Variants in TARS3 observed in about 807,000 individuals in gnomAD.
TARS3 encodes threonyl-tRNA synthetase 3, also known as threonine--tRNA ligase 2, cytoplasmic.
TARS3 carries 94 observed loss-of-function variants against 103.5 expected under a neutral mutation model. That is an observed-to-expected ratio of 0.91 (90% CI 0.77 to 1.08). The LOEUF is 1.08. Among genes scored for constraint, TARS3 ranks in the 50% least tolerant of loss-of-function variants. TARS3 has a pLI of 0.00. For missense variants in TARS3, 952 were observed against 995.2 expected, an observed-to-expected ratio of 0.96 and a Z score of 0.58; for synonymous variants, 416 against 355.4, an observed-to-expected ratio of 1.17 and a Z score of -1.92.
chr15:101,698,625 AT>A (rs998912129), intron 10 of TARS3, among the ~76,000 whole-genome samples: 5 of 152,254 alleles, frequency 3.3e-5, no homozygotes, highest in African/African-American at 1.2e-4. Flanking sequence ...CTCAAGCACC[AT>A]TTTACAATGT....
At chr15:101,677,650 C>T (rs1027289369) in intron 12 of TARS3, among the ~76,000 whole-genome samples, 24 of 152,182 alleles carry the variant, frequency 1.6e-4, no homozygotes, top group African/African-American at 2.2e-4. Context: ...AGGCACATGC[C>T]ACCACGCCTG....
At chr15:101,715,016 C>A in intron 3 of TARS3, 53 bp from the exon 4 acceptor site, 1 of 1,498,158 alleles carries the variant, frequency 6.7e-7, no homozygotes, top group Non-Finnish European at 8.9e-7. Context: ...TACAATGATT[C>A]CTTAAAATAT....
chr15:101,718,034 T>C (rs1176261116), intron 3 of TARS3, among the ~76,000 whole-genome samples: 2 of 152,154 alleles, frequency 1.3e-5, no homozygotes, highest in East Asian at 1.9e-4. Context: ...AGGCAAACCA[T>C]GTGTCACAGT....
Position 101,661,807 on chromosome 15 carries a change from C to A in TARS3, c.1977G>T (p.Gly659=). Residue 659 remains glycine, a synonymous_variant, in exon 16 of 19, where the codon GGG becomes GGT. Coordinates refer to ENST00000335968, the MANE Select transcript of TARS3 (RefSeq NM_152334.3). ...RFNLTYVSKD[G]DDKKRPVIIH... ...TGATCACAGGTCTCTTCTTATCATC[C>A]CCATCCTTACTAAAAAATGAAAATT... 6.3e-7 allele frequency: 1 copy of A among 1,584,482 alleles called. No homozygotes were observed. Among genetic ancestry groups the A allele is most frequent in the Non-Finnish European group, 8.6e-7 (1 of 1,166,418 alleles).
chr15:101,712,208 C>G (rs1413264870), intron 4 of TARS3, among the ~76,000 whole-genome samples: 1 of 152,204 alleles, frequency 6.6e-6, no homozygotes, highest in Non-Finnish European at 1.5e-5. Flanking sequence ...GAGTCACTTG[C>G]TCAGTGCCAG....
chr15:101,680,849 T>C (rs1028512842), intron 12 of TARS3, among the ~76,000 whole-genome samples: 10 of 152,214 alleles, frequency 6.6e-5, no homozygotes, highest in Admixed American at 3.3e-4. Context: ...GATTGCCCTT[T>C]GGTGTCATAT....
At chr15:101,713,044 G>A (rs1899942362) in intron 4 of TARS3, among the ~76,000 whole-genome samples, 1 of 152,220 alleles carries the variant, frequency 6.6e-6, no homozygotes, top group Admixed American at 6.5e-5. Context: ...CTACACATTT[G>A]TTGAGCCAAA....
chr15:101,724,144 G>T lies in TARS3; in HGVS notation c.244C>A (p.Gln82Lys). ...AGCTCCGCGCTCTCCAGCGTGGCCT[G>T]GCGGCTCCGCTCCTCGGCGAGGCAC... ...RLCLAEERSRQATLESAELEA... is the reference protein window; with the variant it reads ...RLCLAEERSRKATLESAELEA... Residue 82 changes from glutamine (Q) to lysine (K), a missense_variant, in exon 1 of 19, where the codon CAG becomes AAG. Physicochemically the swap from Gln to Lys is moderately conservative, Grantham distance 53. Coordinates refer to ENST00000335968, the MANE Select transcript of TARS3 (RefSeq NM_152334.3). 1 of 1,451,708 alleles carries T rather than the reference G, an allele frequency of 6.9e-7. No homozygotes were observed. The highest frequency in any genetic ancestry group is 2.4e-5 in the Admixed American group (1 of 41,808). 89.9% of individuals were successfully genotyped at this position (1,451,708 alleles called of 1,614,324 possible).
chr15:101,654,490 C>A lies in TARS3; in HGVS notation c.*92G>T. Reference sequence around the variant, plus strand: ...AGGCCATGAGTGGACCCATCAGTGGCTCCAAAGTCGTAGAAGTACTAACAT... The same window carrying A: ...AGGCCATGAGTGGACCCATCAGTGGATCCAAAGTCGTAGAAGTACTAACAT... On this transcript the variant is annotated 3_prime_UTR_variant, in exon 19 of 19. Coordinates refer to ENST00000335968, the MANE Select transcript of TARS3 (RefSeq NM_152334.3). 7.4e-7 allele frequency: 1 copy of A among 1,360,118 alleles called. No homozygotes were observed. Among genetic ancestry groups the A allele is most frequent in the South Asian group, 1.4e-5 (1 of 71,260 alleles). 84.3% of individuals were successfully genotyped at this position (1,360,118 alleles called of 1,614,324 possible). A position where few individuals can be genotyped will look rare whatever the true frequency, so the allele number is the denominator to read the frequency against.
chr15:101,702,172 T>G (rs1395915493), intron 9 of TARS3, 67 bp downstream of exon 9: 1 of 1,571,682 alleles, frequency 6.4e-7, no homozygotes. Flanking sequence ...AACTTAGTTT[T>G]GTGAGACAGA....
At chr15:101,713,513 G>A (rs1322869006) in intron 4 of TARS3, among the ~76,000 whole-genome samples, 1 of 152,242 alleles carries the variant, frequency 6.6e-6, no homozygotes, top group Non-Finnish European at 1.5e-5. Flanking sequence ...ATAACAAGGT[G>A]AGTGCGGATT....
At position 101,724,281 on chromosome 15, in the gene TARS3, T is replaced by G. The variant is rs970589704; in HGVS notation, c.107A>C (p.Gln36Pro). 1.9e-6 allele frequency: 3 copies of G among 1,573,764 alleles called. No homozygotes were observed. The Admixed American group carries it at 5.3e-5, about 28-fold the overall frequency. Residue 36 changes from glutamine (Q) to proline (P), a missense_variant, in exon 1 of 19, where the codon CAG (glutamine) becomes CCG (proline). Physicochemically the swap from Gln to Pro is moderately conservative, Grantham distance 76. Around this residue, in one of 2 missense-constraint regions of TARS3, gnomAD observed 412 missense variants for 364.2 expected, o/e 1.13. Transcript: ENST00000335968. ...WSEVERLRDE[Q>P]LNAPYSCQAE... Reference sequence around the variant, plus strand: ...CTGGCAGCTGTAGGGCGCGTTCAGCTGCTCGTCCCTCAGGCGCTCGACCTC... The same window carrying G: ...CTGGCAGCTGTAGGGCGCGTTCAGCGGCTCGTCCCTCAGGCGCTCGACCTC...
intron 13 of TARS3, among the ~76,000 whole-genome samples, chr15:101,672,773 C>T (rs980844472): frequency 3.7e-4 from 57 of 152,166 alleles, no homozygotes; most frequent in African/African-American, 1.3e-3. Context: ...AGCCACCCCA[C>T]GGAGACACTT....
chr15:101,694,562 G>A (rs185291494), intron 10 of TARS3, among the ~76,000 whole-genome samples: 30 of 152,318 alleles, frequency 2.0e-4, no homozygotes, highest in Admixed American at 4.6e-4. Context: ...GAACCTCAGG[G>A]AGGACCTTGA....
At position 101,701,085 on chromosome 15, in the gene TARS3, C is replaced by T; in HGVS notation, c.1320+1G>A. On this transcript the variant is annotated splice_donor_variant, in intron 10 of 18. Coordinates refer to ENST00000335968, the MANE Select transcript of TARS3 (RefSeq NM_152334.3). LOFTEE classifies it high-confidence loss of function. The stretch of plus-strand genomic sequence containing the variant: ...AATAAAACATTTTAAAGTTAACTTA[C>T]TCGTATGAAATCTGTAAGCGTATTA... 1 of 1,518,034 alleles carries T rather than the reference C, an allele frequency of 6.6e-7. No homozygotes were observed. Among genetic ancestry groups the T allele is most frequent in the South Asian group, 1.3e-5 (1 of 76,770 alleles). 94.0% of individuals were successfully genotyped at this position (1,518,034 alleles called of 1,614,324 possible). A position where few individuals can be genotyped will look rare whatever the true frequency, so the allele number is the denominator to read the frequency against.
chr15:101,724,462 A>C lies in TARS3; in HGVS notation c.-75T>G, dbSNP rs1035756573. ...CGAGGGCGACGCGGACACTCAGCGC[A>C]CGGCAGAAGACAGGGCTCCCGGGAG... is the stretch of plus-strand genomic sequence containing the variant. On this transcript the variant is annotated 5_prime_UTR_variant, in exon 1 of 19. Transcript: ENST00000335968. 2.7e-5 allele frequency: 36 copies of C among 1,330,386 alleles called. No homozygotes were observed. Among genetic ancestry groups the C allele is most frequent in the Middle Eastern group, 5.6e-4 (2 of 3,598 alleles). The allele number at this position is 1,330,386 out of a possible 1,614,324, so 82.4% of individuals were successfully genotyped here.
chr15:101,686,917 T>G (rs913935198), intron 10 of TARS3, among the ~76,000 whole-genome samples: 4 of 151,732 alleles, frequency 2.6e-5, no homozygotes, highest in Non-Finnish European at 4.4e-5. Context: ...TTGAGCACAT[T>G]TGAAAAACTG....
chr15:101,722,233 T>TC (rs1291016929), intron 2 of TARS3, among the ~76,000 whole-genome samples: 1 of 138,996 alleles, frequency 7.2e-6, no homozygotes, highest in African/African-American at 2.5e-5. Flanking sequence ...TTTTTTTTTT[T>TC]CCTTTGAGAC....
chr15:101,703,433 T>C (rs1256723799), intron 8 of TARS3, among the ~76,000 whole-genome samples: 2 of 151,708 alleles, frequency 1.3e-5, no homozygotes, highest in Non-Finnish European at 2.9e-5. Context: ...CGACTAAAAA[T>C]AGAAAAATTA....
Sources: allele counts gnomAD v4.1 joint callset (sites outside exome capture counted in the v4.1 genomes callset), GRCh38; gene constraint gnomAD v4.1.1; regional missense constraint gnomAD v4.1.1; transcripts MANE v1.5; gene names NCBI Gene and HGNC (gene_info 2026-07-23, HGNC 2026-07-21).